Variants in PEX7 observed in about 807,000 individuals in gnomAD.
The protein encoded by PEX7 is PTS2 receptor.
PEX7 carries 34 observed loss-of-function variants against 47.5 expected under a neutral mutation model. The ratio of observed to expected loss-of-function variants is 0.72; its 90% CI spans 0.54 to 0.95. The LOEUF (loss-of-function observed/expected upper bound fraction) is 0.95. Among genes scored for constraint, PEX7 ranks in the 40% least tolerant of loss-of-function variants. PEX7 has a pLI of 0.00. For missense variants in PEX7, 394 were observed against 400.3 expected, an observed-to-expected ratio of 0.98 and a Z score of 0.13; for synonymous variants, 141 against 148.8, an observed-to-expected ratio of 0.95 and a Z score of 0.38.
In PEX7 at chr6:136,846,090, AAAGTCTCTGTGC is replaced by A; in HGVS notation, c.437_448del (p.Lys146_Cys149del). On this transcript the variant is annotated inframe_deletion, in exon 5 of 10. Coordinates refer to ENST00000318471, the MANE Select transcript of PEX7 (RefSeq NM_000288.4). ...ATTTGTAGTGGGATCCAACTGTTGG[AAAGTCTCTGTGC>A]ACCTTTAGAGGCCATGAAAGTATTA... 6.2e-7 allele frequency: 1 copy of A among 1,610,910 alleles called. No homozygotes were observed. Among genetic ancestry groups the A allele is most frequent in the South Asian group, 1.1e-5 (1 of 90,994 alleles).
rs79383182 is a variant in PEX7 at position 136,880,287 on chromosome 6, A to G, written c.803+8034A>G. Among the ~76,000 whole-genome samples the G allele has an allele frequency of 1.5e-4, 23 of 151,756 alleles. No homozygotes were observed. In the East Asian group the frequency reaches 4.3e-3, roughly 28 times the overall value. On this transcript the variant is annotated intron_variant, in intron 8 of 9. Transcript: ENST00000318471. The stretch of plus-strand genomic sequence containing the variant: ...AGGTTGGCACCTTTCCTTCCTTTTA[A>G]TTTTCTTTCACCCCTAAACTATCAA...
At chr6:136,822,835 C>G (rs1774104965) in intron 1 of PEX7, 40 bp downstream of exon 1, 1 of 1,213,952 alleles carries the variant, frequency 8.2e-7, no homozygotes, top group Non-Finnish European at 1.0e-6. Context: ...GGGGCGGAGG[C>G]GGAGGCGGGG....
intron 8 of PEX7, among the ~76,000 whole-genome samples, chr6:136,885,185 G>C (rs1374066056): frequency 6.6e-6 from 1 of 152,182 alleles, no homozygotes; most frequent in Admixed American, 6.5e-5. Context: ...AGGAAGAGCA[G>C]CATTCCGTGT....
chr6:136,873,312 T>C (rs1191717947), intron 8 of PEX7, among the ~76,000 whole-genome samples: 1 of 152,192 alleles, frequency 6.6e-6, no homozygotes, highest in Non-Finnish European at 1.5e-5. Flanking sequence ...TTAGCTTGTT[T>C]TCAATGTTTT....
intron 5 of PEX7, chr6:136,855,652 T>C (rs1408667211): frequency 6.8e-6 from 2 of 292,792 alleles, no homozygotes; most frequent in African/African-American, 2.3e-5. Context: ...TTTAAGGTTC[T>C]AAATTTGCCT....
rs1774594545 is a variant in PEX7, at chr6:136,846,122, G to GTATT, written c.468_471dup (p.Ile158TyrfsTer4). On this transcript the variant is annotated frameshift_variant, in exon 5 of 10. Coordinates refer to ENST00000318471, the MANE Select transcript of PEX7 (RefSeq NM_000288.4). LOFTEE classifies it high-confidence loss of function. Reference sequence around the variant, plus strand: ...CTGTGCACCTTTAGAGGCCATGAAAGTATTATTTATAGCACAATCTGGTCT... The same window carrying GTATT: ...CTGTGCACCTTTAGAGGCCATGAAAGTATTTATTATTTATAGCACAATCTGGTCT... The GTATT allele has an allele frequency of 1.2e-6, 2 of 1,613,604 alleles. No individual in the cohort carries two copies. The highest frequency in any genetic ancestry group is 3.3e-5 in the Admixed American group (2 of 59,980).
At chr6:136,857,104 A>G (rs1004403054) in intron 5 of PEX7, among the ~76,000 whole-genome samples, 1 of 152,222 alleles carries the variant, frequency 6.6e-6, no homozygotes, top group African/African-American at 2.4e-5. Flanking sequence ...GGTGTAGTAA[A>G]AAGTCAATGC....
At chr6:136,890,305 T>A (rs1255826067) in intron 8 of PEX7, among the ~76,000 whole-genome samples, 1 of 152,208 alleles carries the variant, frequency 6.6e-6, no homozygotes, top group African/African-American at 2.4e-5. Flanking sequence ...CATCCTTAGA[T>A]AGCTTAAATA....
chr6:136,875,496 A>G (rs1462497078), intron 8 of PEX7, among the ~76,000 whole-genome samples: 1 of 152,220 alleles, frequency 6.6e-6, no homozygotes, highest in Non-Finnish European at 1.5e-5. Flanking sequence ...CTTTTATTGC[A>G]TTAAAATCAG....
intron 8 of PEX7, among the ~76,000 whole-genome samples, chr6:136,880,541 T>A (rs558471875): frequency 1.3e-5 from 2 of 152,324 alleles, no homozygotes; most frequent in Non-Finnish European, 2.9e-5. Context: ...GGAAGAGAGC[T>A]CATAGGGATT....
chr6:136,822,946 C>T lies in PEX7; in HGVS notation c.130+151C>T, dbSNP rs555753444. 8.5e-5 allele frequency: 103 copies of T among 1,209,122 alleles called. No individual in the cohort carries two copies. The African/African-American group carries it at 1.3e-3, about 15-fold the overall frequency. 74.9% of individuals were successfully genotyped at this position (1,209,122 alleles called of 1,614,324 possible). The stretch of plus-strand genomic sequence containing the variant: ...GGGGCAGAAGAGGCGCTGGTCGGCG[C>T]TTCTCCTTTCTTTGCCGAGTGCGAG... On this transcript the variant is annotated intron_variant, in intron 1 of 9. Transcript: ENST00000318471.
chr6:136,867,288 T>C (rs76619757), intron 6 of PEX7, among the ~76,000 whole-genome samples: 6,332 of 152,238 alleles, frequency 0.042, 148 homozygotes, highest in African/African-American at 0.072. Flanking sequence ...TATACTACAG[T>C]CATGCACTGC....
chr6:136,877,169 C>T (rs1315619239), intron 8 of PEX7, among the ~76,000 whole-genome samples: 1 of 151,478 alleles, frequency 6.6e-6, no homozygotes, highest in African/African-American at 2.4e-5. Flanking sequence ...ATCCTTCACC[C>T]ACTTTTTGAT....
At chr6:136,832,119 G>A (rs553585802) in intron 3 of PEX7, among the ~76,000 whole-genome samples, 1 of 152,362 alleles carries the variant, frequency 6.6e-6, no homozygotes, top group African/African-American at 2.4e-5. Context: ...GGACATTCAG[G>A]TGTTTCCATA....
chr6:136,828,497 T>C (rs1319189884), intron 3 of PEX7, among the ~76,000 whole-genome samples: 1 of 152,226 alleles, frequency 6.6e-6, no homozygotes, highest in Non-Finnish European at 1.5e-5. Context: ...TTTTAGTGTC[T>C]TTCTCTGAAG....
At chr6:136,897,008 G>A (rs932414370) in intron 8 of PEX7, among the ~76,000 whole-genome samples, 11 of 152,244 alleles carry the variant, frequency 7.2e-5, no homozygotes, top group South Asian at 4.1e-4. Flanking sequence ...GGTTGAACAG[G>A]CAAATTTTCA....
At chr6:136,898,818 T>A (rs934142091) in intron 9 of PEX7, among the ~76,000 whole-genome samples, 1 of 151,932 alleles carries the variant, frequency 6.6e-6, no homozygotes, top group African/African-American at 2.4e-5. Flanking sequence ...GTTTTTTTTT[T>A]TAAAAAAGCC....
chr6:136,905,211 T>C (rs1045157625), intron 9 of PEX7, among the ~76,000 whole-genome samples: 1 of 152,180 alleles, frequency 6.6e-6, no homozygotes, highest in African/African-American at 2.4e-5. Context: ...TATCTCTATT[T>C]TTTTCCCATT....
intron 5 of PEX7, 58 bp downstream of exon 5, chr6:136,846,239 T>C: frequency 1.0e-6 from 1 of 991,756 alleles, no homozygotes; most frequent in South Asian, 1.4e-5. Flanking sequence ...GCCTTGTTTT[T>C]ACCATTAGGT....
Sources: allele counts gnomAD v4.1 joint callset (sites outside exome capture counted in the v4.1 genomes callset), GRCh38; gene constraint gnomAD v4.1.1; transcripts MANE v1.5; gene names NCBI Gene and HGNC (gene_info 2026-07-23, HGNC 2026-07-21).